PCDHGB2: variants seen among roughly 807,000 people sequenced by gnomAD.
PCDHGB2 encodes the protein protocadherin gamma subfamily B, 2, also known as protocadherin gamma-B2.
In PCDHGB2, 55 loss-of-function variants were observed where a neutral mutation model predicts 59.3. The observed-to-expected ratio is 0.93, with a 90% CI of 0.75 to 1.16. The LOEUF (loss-of-function observed/expected upper bound fraction) is 1.16. Among genes scored for constraint, PCDHGB2 ranks in the 50% most tolerant of loss-of-function variants. PCDHGB2 has a pLI of 0.00. For synonymous variants in PCDHGB2, 516 were observed against 512.0 expected (o/e 1.01, Z -0.11); for missense variants, 1,228 against 1,198.5 (o/e 1.02, Z -0.36).
In PCDHGB2 at chr5:141,430,991, A is replaced by G. The variant is rs2097333608; in HGVS notation, c.2422-63816A>G. 2.5e-6 allele frequency: 4 copies of G among 1,613,862 alleles called. No individual in the cohort carries two copies. In the East Asian group the frequency reaches 8.9e-5, roughly 36 times the overall value. ...AGGTAGGACGCAGCTTTTCGCCCTGAATCCGCGCAGCGGCAGCTTGGTCAC... is the reference window on the plus strand; with the variant it reads ...AGGTAGGACGCAGCTTTTCGCCCTGGATCCGCGCAGCGGCAGCTTGGTCAC... On this transcript the variant is annotated intron_variant, in intron 1 of 3. Coordinates refer to ENST00000522605, the MANE Select transcript of PCDHGB2 (RefSeq NM_018923.3).
intron 1 of PCDHGB2, chr5:141,365,455 T>G: frequency 1.2e-6 from 2 of 1,614,042 alleles, no homozygotes; most frequent in Non-Finnish European, 1.7e-6. Context: ...ATGATGGTGA[T>G]TCTGGAGAAA....
In PCDHGB2 at chr5:141,471,825, A is replaced by G. The variant is rs150400990; in HGVS notation, c.2422-22982A>G. Among the ~76,000 whole-genome samples, 61 of 152,344 alleles carry G rather than the reference A, an allele frequency of 4.0e-4. No individual in the cohort carries two copies. In the East Asian group the frequency reaches 0.011, roughly 27 times the overall value. ...ACATATAAAAGACTACCTATTTTAT[A>G]ATTCCTTTTTAATAAAATATTCAGA... On this transcript the variant is annotated intron_variant, in intron 1 of 3. Coordinates refer to ENST00000522605, the MANE Select transcript of PCDHGB2 (RefSeq NM_018923.3).
intron 1 of PCDHGB2, chr5:141,398,931 C>G (rs1442157400): frequency 6.2e-7 from 1 of 1,613,956 alleles, no homozygotes; most frequent in Admixed American, 1.7e-5. Flanking sequence ...CAGCCACTGA[C>G]CAAGACGAGG....
chr5:141,390,276 C>G (rs1475873829), intron 1 of PCDHGB2: 5 of 1,613,990 alleles, frequency 3.1e-6, no homozygotes, highest in Non-Finnish European at 4.2e-6. Context: ...ATTGACTTCC[C>G]ATCAGGTGAG....
At position 141,512,630 on chromosome 5, in the gene PCDHGB2, G is replaced by C. The variant is rs1335322474; in HGVS notation, c.*1457G>C. On this transcript the variant is annotated 3_prime_UTR_variant, in exon 4 of 4. Transcript: ENST00000522605. ...GGGGCTGCCAGAGAACCCCAGACCT[G>C]CCCTTACAGTAGTGTAGCGCCCCCT... The C allele has an allele frequency of 6.5e-6, 1 of 152,888 alleles. No individual in the cohort carries two copies. Among genetic ancestry groups the C allele is most frequent in the Non-Finnish European group, 1.5e-5 (1 of 68,576 alleles). 9.5% of individuals were successfully genotyped at this position (152,888 alleles called of 1,614,324 possible).
In PCDHGB2 at chr5:141,490,801, A is replaced by G; in HGVS notation, c.2422-4006A>G. On this transcript the variant is annotated intron_variant, in intron 1 of 3. Transcript: ENST00000522605. The surrounding 1 kb of genome is among the most constrained non-coding windows in gnomAD (Gnocchi z 5.4). ...GGATGGACGGATCTTTGCCCAGCGT[A>G]CCTTTGACTATGAATTGCTGCAGAT... The G allele has an allele frequency of 6.2e-7, 1 of 1,613,854 alleles. No homozygotes were observed. Among genetic ancestry groups the G allele is most frequent in the African/African-American group, 1.3e-5 (1 of 75,042 alleles).
At chr5:141,380,295 A>G (rs956041839) in intron 1 of PCDHGB2, among the ~76,000 whole-genome samples, 2 of 152,172 alleles carry the variant, frequency 1.3e-5, no homozygotes, top group African/African-American at 2.4e-5. Flanking sequence ...GAAGATACCT[A>G]TATCTTTGCT....
At chr5:141,393,388 C>G (rs775991086) in intron 1 of PCDHGB2, 7 of 1,613,992 alleles carry the variant, frequency 4.3e-6, no homozygotes, top group Non-Finnish European at 5.9e-6. Context: ...GCCATAAACC[C>G]AGAGCTGGTG....
Position 141,489,805 on chromosome 5 carries a change from A to T in PCDHGB2, c.2422-5002A>T. On this transcript the variant is annotated intron_variant, in intron 1 of 3. Transcript: ENST00000522605. The surrounding 1 kb of genome is among the most constrained non-coding windows in gnomAD (Gnocchi z 4.5). ...GAATGTGAAGACCCTAAAAGATGGG[A>T]AGCCATTCCCAGAGCTGGTGCTAGA... 1 of 1,614,166 alleles carries T rather than the reference A, an allele frequency of 6.2e-7. No individual in the cohort carries two copies. Among genetic ancestry groups the T allele is most frequent in the Non-Finnish European group, 8.5e-7 (1 of 1,180,012 alleles).
At chr5:141,448,316 T>G (rs1042171540) in intron 1 of PCDHGB2, among the ~76,000 whole-genome samples, 2 of 152,174 alleles carry the variant, frequency 1.3e-5, no homozygotes, top group Admixed American at 1.3e-4. Context: ...AGGAATCTTT[T>G]CTTTGAATCT....
At chr5:141,366,368 A>G (rs1198628601) in intron 1 of PCDHGB2, 3 of 1,613,858 alleles carry the variant, frequency 1.9e-6, no homozygotes, top group South Asian at 2.2e-5. Context: ...CAGTATCAAG[A>G]CCCCCATTGA....
At chr5:141,364,288 A>T in intron 1 of PCDHGB2, 2 of 1,517,690 alleles carry the variant, frequency 1.3e-6, no homozygotes, top group Non-Finnish European at 1.8e-6. Context: ...AGGAAACAGC[A>T]GGCTGAACCA....
chr5:141,499,616 C>T (rs538268323), intron 2 of PCDHGB2, among the ~76,000 whole-genome samples: 2 of 152,058 alleles, frequency 1.3e-5, no homozygotes, highest in South Asian at 4.2e-4. Context: ...CTTATCCTGT[C>T]CTTGGATTCT....
chr5:141,469,500 G>A (rs1471801110), intron 1 of PCDHGB2, among the ~76,000 whole-genome samples: 4 of 151,914 alleles, frequency 2.6e-5, no homozygotes, highest in South Asian at 2.1e-4. Flanking sequence ...GCTTGAACCC[G>A]GGAGGTGGAG....
chr5:141,507,862 G>T (rs17286954), intron 3 of PCDHGB2, among the ~76,000 whole-genome samples: 20,426 of 152,154 alleles, frequency 0.13, 1,374 homozygotes, highest in Admixed American at 0.16. Context: ...TTTCACACCC[G>T]CTTCCTAGCC....
chr5:141,400,212 C>G (rs773459521), intron 1 of PCDHGB2: 4 of 1,614,058 alleles, frequency 2.5e-6, no homozygotes, highest in Non-Finnish European at 3.4e-6. Context: ...TGGCCTTGAT[C>G]TCAGTGCTCT....
At chr5:141,505,523 G>C in intron 3 of PCDHGB2, 42 bp downstream of exon 3, 2 of 1,612,760 alleles carry the variant, frequency 1.2e-6, no homozygotes, top group South Asian at 2.2e-5. Context: ...GGGAGACCTG[G>C]GGTTCTGGGG....
At position 141,433,251 on chromosome 5, in the gene PCDHGB2, C is replaced by T. The variant is rs1022165468; in HGVS notation, c.2422-61556C>T. The T allele has an allele frequency of 1.1e-5, 16 of 1,423,126 alleles. No homozygotes were observed. In the East Asian group the frequency reaches 3.7e-4, roughly 33 times the overall value. 88.2% of individuals were successfully genotyped at this position (1,423,126 alleles called of 1,614,324 possible). A position where few individuals can be genotyped will look rare whatever the true frequency, so the allele number is the denominator to read the frequency against. ...CTCTGTCTCCCAAGCTGGAATGCAGCGGTACGATCATAGCTCACTGCAGCC... is the reference window on the plus strand; with the variant it reads ...CTCTGTCTCCCAAGCTGGAATGCAGTGGTACGATCATAGCTCACTGCAGCC... On this transcript the variant is annotated intron_variant, in intron 1 of 3. Transcript: ENST00000522605.
At chr5:141,394,662 T>C in intron 1 of PCDHGB2, 3 of 1,613,258 alleles carry the variant, frequency 1.9e-6, no homozygotes, top group African/African-American at 2.7e-5. Flanking sequence ...GCCGGGACTC[T>C]TCTCGGTGGG....
Sources: allele counts gnomAD v4.1 joint callset (sites outside exome capture counted in the v4.1 genomes callset), GRCh38; gene constraint gnomAD v4.1.1; non-coding constraint Gnocchi (gnomAD v3.1); transcripts MANE v1.5; gene names NCBI Gene and HGNC (gene_info 2026-07-23, HGNC 2026-07-21).